The following NALF1 variants were observed in gnomAD, a reference collection of about 807,000 sequenced individuals.
The protein encoded by NALF1 is family with sequence similarity 155 member A.
In NALF1, 3 loss-of-function variants were observed where a neutral mutation model predicts 48.4. The observed-to-expected ratio is 0.06, with a 90% CI of 0.03 to 0.16. The LOEUF is 0.16. Ranked by LOEUF, NALF1 falls within the 10% of genes least tolerant of loss-of-function variation. The pLI, the probability that NALF1 is intolerant of heterozygous loss-of-function variation, is 1.00. For synonymous variants in NALF1, 262 were observed against 245.7 expected (o/e 1.07, Z -0.62); for missense variants, 526 against 571.5 (o/e 0.92, Z 0.81).
At chr13:107,650,118 A>C (rs1363390216) in intron 1 of NALF1, among the ~76,000 whole-genome samples, 1 of 152,134 alleles carries the variant, frequency 6.6e-6, no homozygotes, top group African/African-American at 2.4e-5. Context: ...CAAAGATCGG[A>C]GTTTTTGTCC....
At chr13:107,253,880 T>G (rs2138847143) in intron 1 of NALF1, among the ~76,000 whole-genome samples, 1 of 152,218 alleles carries the variant, frequency 6.6e-6, no homozygotes, top group South Asian at 2.1e-4. Context: ...ACTGTCACTC[T>G]GCAGCCGTCA....
At chr13:107,213,230 C>CAAAAAAAAAAAAAAAAAAAAAA (rs386380636) in intron 1 of NALF1, among the ~76,000 whole-genome samples, 6 of 103,366 alleles carry the variant, frequency 5.8e-5, no homozygotes, top group African/African-American at 1.1e-4. Context: ...TTTTTTAACT[C>CAAAAAAAAAAAAAAAAAAAAAA]AAAAAAAAAA....
At chr13:107,202,260 A>G (rs1879536533) in intron 2 of NALF1, among the ~76,000 whole-genome samples, 1 of 151,692 alleles carries the variant, frequency 6.6e-6, no homozygotes, top group South Asian at 2.1e-4. Context: ...AACCTAAGGT[A>G]TTTCTTACTT....
chr13:107,254,323 C>T (rs74114018), intron 1 of NALF1, among the ~76,000 whole-genome samples: 17,108 of 151,896 alleles, frequency 0.11, 1,140 homozygotes, highest in African/African-American at 0.17. Context: ...AGCACGCACG[C>T]TCAGCCTTAC....
chr13:107,543,640 T>C (rs1877053657), intron 1 of NALF1, among the ~76,000 whole-genome samples: 2 of 152,038 alleles, frequency 1.3e-5, no homozygotes, highest in African/African-American at 2.4e-5. Flanking sequence ...AGTTGAACCA[T>C]AAATTGGGAA....
rs150514623 is a variant in NALF1, at chr13:107,193,739, G to A, written c.1087+16845C>T. Among the ~76,000 whole-genome samples the A allele has an allele frequency of 3.0e-3, 459 of 152,250 alleles. 1 individual carries two copies. The highest frequency in any genetic ancestry group is 0.01 in the African/African-American group (431 of 41,536). On this transcript the variant is annotated intron_variant, in intron 2 of 2. Transcript: ENST00000375915. The stretch of plus-strand genomic sequence containing the variant: ...TCAAGACATGAGACTCTAGCGCCAC[G>A]TGTCTATGAAAATTAATGGAAATGA...
intron 1 of NALF1, among the ~76,000 whole-genome samples, chr13:107,540,447 T>C (rs1178576360): frequency 6.6e-6 from 1 of 152,152 alleles, no homozygotes; most frequent in Non-Finnish European, 1.5e-5. Context: ...ACCAAAAGGT[T>C]GTATCATATA....
At chr13:107,660,416 G>A (rs117264362) in intron 1 of NALF1, among the ~76,000 whole-genome samples, 3,733 of 149,126 alleles carry the variant, frequency 0.025, 156 homozygotes, top group East Asian at 0.2. Context: ...CCAGGTGACA[G>A]GGCAAGACTC....
At chr13:107,585,994 T>C (rs1878443739) in intron 1 of NALF1, among the ~76,000 whole-genome samples, 1 of 152,086 alleles carries the variant, frequency 6.6e-6, no homozygotes, top group Non-Finnish European at 1.5e-5. Context: ...CACCATCTAA[T>C]GTGAAAAGTT....
chr13:107,638,386 G>A (rs956815071), intron 1 of NALF1, among the ~76,000 whole-genome samples: 2 of 151,720 alleles, frequency 1.3e-5, no homozygotes, highest in Non-Finnish European at 2.9e-5. Flanking sequence ...CCTAGGTAAG[G>A]AAAGTATGAT....
chr13:107,374,535 TTTTATA>T (rs1883302932), intron 1 of NALF1, among the ~76,000 whole-genome samples: 3 of 152,124 alleles, frequency 2.0e-5, no homozygotes. Context: ...AAAAGACACA[TTTTATA>T]ATCAACATGG....
intron 1 of NALF1, among the ~76,000 whole-genome samples, chr13:107,493,834 G>A (rs77507342): frequency 6.6e-6 from 1 of 152,112 alleles, no homozygotes; most frequent in Admixed American, 6.6e-5. Flanking sequence ...AGGCTGTAAT[G>A]AACTATAATT....
At chr13:107,620,540 G>A (rs1364797847) in intron 1 of NALF1, among the ~76,000 whole-genome samples, 3 of 152,048 alleles carry the variant, frequency 2.0e-5, no homozygotes, top group Non-Finnish European at 2.9e-5. Context: ...GGATTCCCTG[G>A]TATTGGCAGG....
At chr13:107,375,641 A>G (rs773490825) in intron 1 of NALF1, among the ~76,000 whole-genome samples, 11 of 152,314 alleles carry the variant, frequency 7.2e-5, no homozygotes, top group East Asian at 1.9e-4. Flanking sequence ...TTGAATTATC[A>G]GTTTAATTTC....
At chr13:107,638,207 A>ATAT (rs533265281) in intron 1 of NALF1, among the ~76,000 whole-genome samples, 5 of 142,618 alleles carry the variant, frequency 3.5e-5, no homozygotes, top group South Asian at 2.2e-4. Flanking sequence ...ATATATATAT[A>ATAT]ATTTAAGATG....
intron 1 of NALF1, among the ~76,000 whole-genome samples, chr13:107,277,497 G>A (rs1262509656): frequency 6.6e-6 from 1 of 152,034 alleles, no homozygotes; most frequent in African/African-American, 2.4e-5. Flanking sequence ...GCTGTTTTAG[G>A]ATATCTACAG....
chr13:107,843,299 G>A (rs932210080), intron 1 of NALF1, among the ~76,000 whole-genome samples: 1 of 152,152 alleles, frequency 6.6e-6, no homozygotes, highest in South Asian at 2.1e-4. Context: ...AAAAGTTAAG[G>A]AAATAGCGTG....
chr13:107,543,763 A>C (rs1449304742), intron 1 of NALF1, among the ~76,000 whole-genome samples: 1 of 152,038 alleles, frequency 6.6e-6, no homozygotes, highest in East Asian at 1.9e-4. Flanking sequence ...GTATATATAC[A>C]CACACATTTA....
intron 1 of NALF1, among the ~76,000 whole-genome samples, chr13:107,602,299 G>A (rs577192883): frequency 1.1e-4 from 16 of 152,256 alleles, no homozygotes; most frequent in Middle Eastern, 3.4e-3. Flanking sequence ...AAGCACTGTG[G>A]TTAGAAAGCG....
Sources: gnomAD v4.1 joint callset for allele counts (sites outside exome capture counted in the v4.1 genomes callset) on GRCh38, gnomAD v4.1.1 for gene constraint, MANE v1.5 for transcripts, NCBI Gene and HGNC (gene_info 2026-07-23, HGNC 2026-07-21) for gene names.